FYN: variants seen among roughly 807,000 people sequenced by gnomAD.
The protein encoded by FYN is tyrosine-protein kinase Fyn.
Under a neutral mutation model 70.2 loss-of-function variants are expected in FYN, and 10 were observed. The ratio of observed to expected loss-of-function variants is 0.14; its 90% CI spans 0.09 to 0.24. The LOEUF (loss-of-function observed/expected upper bound fraction) is 0.24, where lower values mean the gene tolerates loss of function less well. Ranked by LOEUF, FYN falls within the 10% of genes least tolerant of loss-of-function variation. FYN has a pLI of 1.00. For missense variants in FYN, 319 were observed against 673.1 expected (o/e 0.47, Z 5.82); for synonymous variants, 236 against 248.6 (o/e 0.95, Z 0.48).
chr6:111,662,386 A>G (rs1047332680), intron 13 of FYN, among the ~76,000 whole-genome samples: 5 of 152,178 alleles, frequency 3.3e-5, no homozygotes, highest in African/African-American at 1.2e-4. Flanking sequence ...CAGACAGTAA[A>G]TATTTTTGGC....
At chr6:111,738,498 A>G (rs1387708522) in intron 3 of FYN, among the ~76,000 whole-genome samples, 1 of 152,228 alleles carries the variant, frequency 6.6e-6, no homozygotes, top group Non-Finnish European at 1.5e-5. Flanking sequence ...TTGCACATCC[A>G]TCGGAGATGC....
At chr6:111,848,998 G>A (rs895170604) in intron 1 of FYN, among the ~76,000 whole-genome samples, 1 of 152,008 alleles carries the variant, frequency 6.6e-6, no homozygotes, top group Non-Finnish European at 1.5e-5. Flanking sequence ...GCCCACCCCC[G>A]TGTGTGTGTG....
At chr6:111,689,223 G>A (rs866148001) in intron 12 of FYN, among the ~76,000 whole-genome samples, 1 of 152,158 alleles carries the variant, frequency 6.6e-6, no homozygotes, top group South Asian at 2.1e-4. Flanking sequence ...CTGGCCTGCG[G>A]ACACCAAGCT....
At chr6:111,693,035 G>A (rs1799408681) in intron 12 of FYN, among the ~76,000 whole-genome samples, 1 of 152,222 alleles carries the variant, frequency 6.6e-6, no homozygotes, top group Non-Finnish European at 1.5e-5. Context: ...CCACGTGTTG[G>A]GGAAATTCAA....
At chr6:111,816,434 C>T (rs149731768) in intron 2 of FYN, among the ~76,000 whole-genome samples, 173 of 152,188 alleles carry the variant, frequency 1.1e-3, no homozygotes, top group African/African-American at 4.0e-3. Context: ...AATAGACAAC[C>T]TCTCACTGAT....
intron 2 of FYN, among the ~76,000 whole-genome samples, chr6:111,811,373 A>G (rs1053861665): frequency 2.6e-5 from 4 of 152,238 alleles, no homozygotes; most frequent in African/African-American, 7.2e-5. Flanking sequence ...GTATGTGTAC[A>G]GTATAAGGAT....
intron 3 of FYN, among the ~76,000 whole-genome samples, chr6:111,737,140 T>C (rs909647589): frequency 1.3e-5 from 2 of 152,232 alleles, no homozygotes; most frequent in African/African-American, 4.8e-5. Context: ...TCCTCTACTC[T>C]TACAACATGC....
chr6:111,769,449 G>C (rs1803356424), intron 3 of FYN, among the ~76,000 whole-genome samples: 1 of 152,138 alleles, frequency 6.6e-6, no homozygotes, highest in African/African-American at 2.4e-5. Context: ...AATTCAAGTA[G>C]TGGGGTCAGT....
intron 3 of FYN, among the ~76,000 whole-genome samples, chr6:111,745,521 T>C (rs967659819): frequency 1.3e-5 from 2 of 152,132 alleles, no homozygotes; most frequent in African/African-American, 4.8e-5. Flanking sequence ...GAGAGGAGCA[T>C]GCCAGGGAGC....
chr6:111,799,841 GA>G (rs1265119959), intron 2 of FYN, among the ~76,000 whole-genome samples: 2 of 152,162 alleles, frequency 1.3e-5, no homozygotes, highest in Non-Finnish European at 2.9e-5. Flanking sequence ...TGTTATGTGG[GA>G]GTCCCGCACA....
intron 1 of FYN, among the ~76,000 whole-genome samples, chr6:111,857,995 C>T (rs899904823): frequency 3.3e-5 from 5 of 152,136 alleles, no homozygotes; most frequent in Non-Finnish European, 1.5e-5. Context: ...TCTGTGGCCA[C>T]GATCCCAGCC....
chr6:111,815,809 G>A (rs900946500), intron 2 of FYN, among the ~76,000 whole-genome samples: 3 of 151,372 alleles, frequency 2.0e-5, no homozygotes, highest in African/African-American at 7.3e-5. Context: ...GCCTCAACCT[G>A]GGTTTCAAAC....
At chr6:111,858,656 G>A (rs537459667) in intron 1 of FYN, among the ~76,000 whole-genome samples, 20 of 152,146 alleles carry the variant, frequency 1.3e-4, no homozygotes, top group East Asian at 9.7e-4. Flanking sequence ...CTTCTTTGTC[G>A]TTGACCATGT....
At chr6:111,731,160 C>A (rs995524084) in intron 3 of FYN, among the ~76,000 whole-genome samples, 2 of 152,234 alleles carry the variant, frequency 1.3e-5, no homozygotes, top group Non-Finnish European at 2.9e-5. Context: ...ACCCGCCCTG[C>A]CAATCTTCCC....
intron 13 of FYN, among the ~76,000 whole-genome samples, chr6:111,670,258 G>T (rs1367470614): frequency 6.6e-6 from 1 of 152,178 alleles, no homozygotes; most frequent in Non-Finnish European, 1.5e-5. Context: ...GGCCTCCTTT[G>T]ATTCTGGAGG....
chr6:111,660,337 AT>A lies in FYN; in HGVS notation c.*1401del, dbSNP rs1797693484. The A allele has an allele frequency of 6.6e-6, 1 of 152,222 alleles. No homozygotes were observed. Among genetic ancestry groups the A allele is most frequent in the Non-Finnish European group, 1.5e-5 (1 of 68,040 alleles). The allele number at this position is 152,222 out of a possible 1,614,324, so 9.4% of individuals were successfully genotyped here. ...ACAAATAAACAAAAAAAAAATTCAA[AT>A]GTAAAATGCTCTCTTTTTAATTACT... On this transcript the variant is annotated 3_prime_UTR_variant, in exon 14 of 14. Transcript: ENST00000354650.
At chr6:111,788,491 T>C (rs1771485390) in intron 2 of FYN, among the ~76,000 whole-genome samples, 2 of 152,160 alleles carry the variant, frequency 1.3e-5, no homozygotes, top group South Asian at 4.1e-4. Flanking sequence ...GAGTCTTTGT[T>C]GAGTCTCATT....
intron 4 of FYN, among the ~76,000 whole-genome samples, chr6:111,715,850 T>C (rs1255588339): frequency 6.6e-6 from 1 of 152,216 alleles, no homozygotes; most frequent in Non-Finnish European, 1.5e-5. Flanking sequence ...TAATTTTAAT[T>C]GATGTATGGA....
chr6:111,838,458 A>G (rs1773256307), intron 2 of FYN, among the ~76,000 whole-genome samples: 1 of 152,234 alleles, frequency 6.6e-6, no homozygotes, highest in African/African-American at 2.4e-5. Flanking sequence ...GGTCCAAGTG[A>G]TAATTCACTT....
Sources: gnomAD v4.1 joint callset for allele counts (sites outside exome capture counted in the v4.1 genomes callset) on GRCh38, gnomAD v4.1.1 for gene constraint, MANE v1.5 for transcripts, NCBI Gene and HGNC (gene_info 2026-07-23, HGNC 2026-07-21) for gene names.